Variants in TAP2 observed in about 807,000 individuals in gnomAD.
The protein encoded by TAP2 is antigen peptide transporter 2.
TAP2 carries 49 observed loss-of-function variants against 74.7 expected under a neutral mutation model. The ratio of observed to expected loss-of-function variants is 0.66; its 90% CI spans 0.52 to 0.83. The LOEUF is 0.83. Among genes scored for constraint, TAP2 ranks in the 40% least tolerant of loss-of-function variants. The pLI is 0.00. For missense variants in TAP2, 739 were observed against 859.0 expected, an observed-to-expected ratio of 0.86 and a Z score of 1.75; for synonymous variants, 306 against 368.4, an observed-to-expected ratio of 0.83 and a Z score of 1.94.
chr6:32,822,290 C>T, downstream of TAP2: 1 of 1,533,414 alleles, frequency 6.5e-7, no homozygotes, highest in Non-Finnish European at 8.9e-7. Context: ...CATTGAAATT[C>T]AAAATATCAT....
At position 32,828,976 on chromosome 6, in the gene TAP2, T is replaced by C. The variant is rs1768853330; in HGVS notation, c.1991A>G (p.Gln664Arg). 1.3e-6 allele frequency: 2 copies of C among 1,550,556 alleles called. No homozygotes were observed. The highest frequency in any genetic ancestry group is 1.9e-5 in the Admixed American group (1 of 51,352). ...GATCTGGTGGGCGCGCTGAACTGTC[T>C]GCAGCCTGTGAGCAATCACCAGCAC... Reference protein sequence around the residue: ...RTVLVIAHRLQTVQRAHQILV... With the variant: ...RTVLVIAHRLRTVQRAHQILV... Residue 664 changes from glutamine to arginine, a missense_variant, in exon 12 of 12, where the codon CAG becomes CGG. Coordinates refer to ENST00000374897, the MANE Select transcript of TAP2 (RefSeq NM_001290043.2).
chr6:32,826,268 C>T lies in TAP2; in HGVS notation c.*2638G>A, dbSNP rs1768643894. On this transcript the variant is annotated 3_prime_UTR_variant, in exon 12 of 12. Coordinates refer to ENST00000374897, the MANE Select transcript of TAP2 (RefSeq NM_001290043.2). ...AACTCAATGCTGTTTCCACATAGGGCCGGGCAGACAGGCTATGGAGGTGTT... is the reference window on the plus strand; with the variant it reads ...AACTCAATGCTGTTTCCACATAGGGTCGGGCAGACAGGCTATGGAGGTGTT... 1.0e-6 allele frequency: 1 copy of T among 985,446 alleles called. No homozygotes were observed. The highest frequency in any genetic ancestry group is 1.2e-6 in the Non-Finnish European group (1 of 829,946). The allele number at this position is 985,446 out of a possible 1,614,324, so 61.0% of individuals were successfully genotyped here.
At position 32,828,959 on chromosome 6, in the gene TAP2, G is replaced by A. The variant is rs1768850628; in HGVS notation, c.2008C>T (p.His670Tyr). The A allele has an allele frequency of 6.5e-7, 1 of 1,547,866 alleles. No homozygotes were observed. The highest frequency in any genetic ancestry group is 8.7e-7 in the Non-Finnish European group (1 of 1,146,464). The change falls in exon 12 of 12, where the codon CAC (histidine) becomes TAC (tyrosine). Residue 670 changes from histidine (H) to tyrosine (Y), a missense_variant. Transcript: ENST00000374897. ...CCCTCCTGGAGCACCAGGATCTGGT[G>A]GGCGCGCTGAACTGTCTGCAGCCTG... The part of the protein sequence containing the change: ...AHRLQTVQRA[H>Y]QILVLQEGKL...
chr6:32,829,462 C>G lies in TAP2; in HGVS notation c.1870G>C (p.Asp624His). 1.2e-6 allele frequency: 2 copies of G among 1,613,832 alleles called. No individual in the cohort carries two copies. Among genetic ancestry groups the G allele is most frequent in the South Asian group, 2.2e-5 (2 of 90,970 alleles). The change falls in exon 11 of 12, where the codon GAC becomes CAC. Residue 624 changes from aspartate (D) to histidine (H), a missense_variant. Physicochemically the swap from Asp to His is moderately conservative, Grantham distance 81. Transcript: ENST00000374897. ...RLAIARALVR[D>H]PRVLILDEAT... is the part of the protein sequence containing the mutation. ...TCATCCAGGATGAGGACCCGCGGGT[C>G]TCGTACAAGGGCCCGGGCAATGGCC...
chr6:32,828,679 C>G lies in TAP2; in HGVS notation c.*227G>C. The G allele has an allele frequency of 4.0e-4, 383 of 946,352 alleles. No homozygotes were observed. Among genetic ancestry groups the G allele is most frequent in the Middle Eastern group, 1.1e-3 (2 of 1,890 alleles). The allele number at this position is 946,352 out of a possible 1,614,324, so 58.6% of individuals were successfully genotyped here. ...TAAGTTTCCTGGACACAGACAGCCC[C>G]CACCCCACCCCACCCCACCTCTCTA... On this transcript the variant is annotated 3_prime_UTR_variant, in exon 12 of 12. Coordinates refer to ENST00000374897, the MANE Select transcript of TAP2 (RefSeq NM_001290043.2).
Position 32,830,616 on chromosome 6 carries a change from A to T in TAP2, c.1461+2T>A. 6.2e-7 allele frequency: 1 copy of T among 1,613,032 alleles called. No individual in the cohort carries two copies. The highest frequency in any genetic ancestry group is 8.5e-7 in the Non-Finnish European group (1 of 1,180,028). On this transcript the variant is annotated splice_donor_variant, in intron 8 of 11. Transcript: ENST00000374897. LOFTEE classifies it high-confidence loss of function. Reference sequence around the variant, plus strand: ...TCCAGGTTTCCTCCCTCTTTCAGGCACCTTGAGCACAGGCCTGTCAGGGCG... The same window carrying T: ...TCCAGGTTTCCTCCCTCTTTCAGGCTCCTTGAGCACAGGCCTGTCAGGGCG...
rs1768670473 is a variant in TAP2 at position 32,826,666 on chromosome 6, T to TA, written c.*2239dup. On this transcript the variant is annotated 3_prime_UTR_variant, in exon 12 of 12. Transcript: ENST00000374897. The stretch of plus-strand genomic sequence containing the variant: ...TCTTAAGGTCTACTGCATCTTCCTG[T>TA]ACTGCCCATCAAGATAAGTTTTCCA... 1.0e-6 allele frequency: 1 copy of TA among 985,348 alleles called. No individual in the cohort carries two copies. The highest frequency in any genetic ancestry group is 1.1e-4 in the East Asian group (1 of 8,834). 61.0% of individuals were successfully genotyped at this position (985,348 alleles called of 1,614,324 possible). A position where few individuals can be genotyped will look rare whatever the true frequency, so the allele number is the denominator to read the frequency against.
rs1769138084 is a variant in TAP2 at position 32,832,392 on chromosome 6, T to A, written c.1213A>T (p.Thr405Ser). 1.2e-6 allele frequency: 2 copies of A among 1,612,972 alleles called. No homozygotes were observed. Among genetic ancestry groups the A allele is most frequent in the East Asian group, 4.5e-5 (2 of 44,886 alleles). Reference protein sequence around the residue: ...GLQQMQDGELTQGSLLSFMIY... With the variant: ...GLQQMQDGELSQGSLLSFMIY... ...ATAAAGGAAAGCAGGCTGCCCTGGG[T>A]GAGCTCCCCATCCTGCATCTGCTGC... Residue 405 changes from threonine to serine, a missense_variant, in exon 7 of 12, where the codon ACC (threonine) becomes TCC (serine). Coordinates refer to ENST00000374897, the MANE Select transcript of TAP2 (RefSeq NM_001290043.2). The surrounding 1 kb of genome is among the most constrained non-coding windows in gnomAD (Gnocchi z 5.9).
rs781216989 is a variant in TAP2 at position 32,830,079 on chromosome 6, A to G, written c.1646T>C (p.Val549Ala). The part of the protein sequence containing the change: ...HCYLHSQVVS[V>A]GQEPVLFSGS... Reference sequence around the variant, plus strand: ...GGAGAACAGCACAGGCTCCTGCCCAACTGAAACCACCTGTGCAGCAGGGAC... The same window carrying G: ...GGAGAACAGCACAGGCTCCTGCCCAGCTGAAACCACCTGTGCAGCAGGGAC... The change falls in exon 10 of 12, where the codon GTT becomes GCT. Residue 549 changes from valine (V) to alanine (A), a missense_variant. Transcript: ENST00000374897. 9 of 1,612,944 alleles carry G rather than the reference A, an allele frequency of 5.6e-6. No individual in the cohort carries two copies. Among genetic ancestry groups the G allele is most frequent in the Middle Eastern group, 3.3e-4 (2 of 6,032 alleles).
At position 32,826,592 on chromosome 6, in the gene TAP2, CAT is replaced by C; in HGVS notation, c.*2312_*2313del. The stretch of plus-strand genomic sequence containing the variant: ...AGGGAGCATTTTTCTGTGTCCCTGA[CAT>C]AAAGCCTACCTGGGAGTTTCCCCTG... On this transcript the variant is annotated 3_prime_UTR_variant, in exon 12 of 12. Transcript: ENST00000374897. 7.1e-6 allele frequency: 7 copies of C among 985,412 alleles called. No individual in the cohort carries two copies. Among genetic ancestry groups the C allele is most frequent in the Non-Finnish European group, 7.2e-6 (6 of 829,918 alleles). 61.0% of individuals were successfully genotyped at this position (985,412 alleles called of 1,614,324 possible). A position where few individuals can be genotyped will look rare whatever the true frequency, so the allele number is the denominator to read the frequency against.
In TAP2 at chr6:32,838,733, C is replaced by A. The variant is rs1161486415; in HGVS notation, c.-85G>T. 6.5e-6 allele frequency: 1 copy of A among 154,940 alleles called. No individual in the cohort carries two copies. The highest frequency in any genetic ancestry group is 2.4e-5 in the African/African-American group (1 of 41,582). 9.6% of individuals were successfully genotyped at this position (154,940 alleles called of 1,614,324 possible). On this transcript the variant is annotated 5_prime_UTR_variant, in exon 1 of 12. Transcript: ENST00000374897. ...GCTCCGTCTCTCCCAACCTCGCTAC[C>A]GGCTCTGGTCCGCCAGCTACGCTCG...
At chr6:32,833,779 C>T (rs551881604) in intron 5 of TAP2, among the ~76,000 whole-genome samples, 29 of 152,266 alleles carry the variant, frequency 1.9e-4, no homozygotes, top group African/African-American at 6.0e-4. Flanking sequence ...ATCTTGAATT[C>T]CCATGTGTTG....
In TAP2 at chr6:32,832,221, G is replaced by C; in HGVS notation, c.1272+112C>G. 1 of 1,469,574 alleles carries C rather than the reference G, an allele frequency of 6.8e-7. No individual in the cohort carries two copies. Among genetic ancestry groups the C allele is most frequent in the Non-Finnish European group, 9.3e-7 (1 of 1,076,970 alleles). 91.0% of individuals were successfully genotyped at this position (1,469,574 alleles called of 1,614,324 possible). A position where few individuals can be genotyped will look rare whatever the true frequency, so the allele number is the denominator to read the frequency against. ...AATTCTCCATAGCAAAATTACTTGCGGGTTTTGGTTTTGTATTGTATTGTT... is the reference window on the plus strand; with the variant it reads ...AATTCTCCATAGCAAAATTACTTGCCGGTTTTGGTTTTGTATTGTATTGTT... On this transcript the variant is annotated intron_variant, in intron 7 of 11. Transcript: ENST00000374897. This position sits in a 1 kb window ranked among gnomAD's most constrained non-coding sequence, Gnocchi z 5.9.
chr6:32,829,359 C>T (rs1306475177), intron 11 of TAP2, 41 bp downstream of exon 11: 11 of 1,566,790 alleles, frequency 7.0e-6, no homozygotes, highest in Non-Finnish European at 9.5e-6. Flanking sequence ...CAGCATGCCC[C>T]TCCCAGGCCC....
Position 32,832,729 on chromosome 6 carries a change from G to A in TAP2, c.1041C>T (p.Ala347=), listed in dbSNP as rs760274197. The change falls in exon 6 of 12, where the codon GCC becomes GCT. Residue 347 remains alanine, a synonymous_variant. Transcript: ENST00000374897. This position sits in a 1 kb window ranked among gnomAD's most constrained non-coding sequence, Gnocchi z 5.9. ...TATAGCGACAGACTTCATGCTCCTC[G>A]GCCCCAAAACTGCGAACGGTCTGCA... The part of the protein sequence containing the change: ...GGLQTVRSFG[A]EEHEVCRYKE... 33 of 1,612,880 alleles carry A rather than the reference G, an allele frequency of 2.0e-5. 1 individual carries two copies. Among genetic ancestry groups the A allele is most frequent in the African/African-American group, 9.3e-5 (7 of 74,870 alleles).
rs759913193 is a variant in TAP2, at chr6:32,837,659, A to G, written c.494-8T>C. 4 of 1,614,036 alleles carry G rather than the reference A, an allele frequency of 2.5e-6. No individual in the cohort carries two copies. The highest frequency in any genetic ancestry group is 2.7e-5 in the African/African-American group (2 of 74,914). On this transcript the variant is annotated splice_polypyrimidine_tract_variant and splice_region_variant and intron_variant, in intron 2 of 11. Coordinates refer to ENST00000374897, the MANE Select transcript of TAP2 (RefSeq NM_001290043.2). ...GAGGGATTAATGTCTCACCTGAAAG[A>G]GGCATGAAAAATAACACAAGAATGT...
Position 32,830,002 on chromosome 6 carries a change from TATC to T in TAP2, c.1720_1722del (p.Asp574del). On this transcript the variant is annotated inframe_deletion, in exon 10 of 12. Transcript: ENST00000374897. ...GCAGCCTGGGCAGCCGCCATCACCT[TATC>T]ATCTTCGCAGCTCTGCAGCCCATAA... 1.2e-6 allele frequency: 2 copies of T among 1,613,140 alleles called. No individual in the cohort carries two copies. Among genetic ancestry groups the T allele is most frequent in the Non-Finnish European group, 1.7e-6 (2 of 1,180,018 alleles).
chr6:32,823,820 T>C (rs141619456), downstream of TAP2, among the ~76,000 whole-genome samples: 5 of 152,264 alleles, frequency 3.3e-5, no homozygotes, highest in East Asian at 7.7e-4. Flanking sequence ...AAATTTTACC[T>C]TTTCAGATAT....
In TAP2 at chr6:32,829,953, T is replaced by C; in HGVS notation, c.1772A>G (p.Glu591Gly). 6.2e-7 allele frequency: 1 copy of C among 1,613,130 alleles called. No individual in the cohort carries two copies. The highest frequency in any genetic ancestry group is 8.5e-7 in the Non-Finnish European group (1 of 1,180,032). ...ACCTGTGTATATTCCATGCTCCATT[T>C]CCTGGATGAAGTCATCTGCGTGGGC... is the stretch of plus-strand genomic sequence containing the variant. ...QAAHADDFIQEMEHGIYTDVG... is the reference protein window; with the variant it reads ...QAAHADDFIQGMEHGIYTDVG... Residue 591 changes from glutamate to glycine, a missense_variant, in exon 10 of 12, where the codon GAA becomes GGA. Physicochemically the swap from Glu to Gly is moderately conservative, Grantham distance 98 (BLOSUM62 -2). Transcript: ENST00000374897.
Sources: gnomAD v4.1 joint callset for allele counts (sites outside exome capture counted in the v4.1 genomes callset) on GRCh38, gnomAD v4.1.1 for gene constraint, Gnocchi (gnomAD v3.1) non-coding constraint, MANE v1.5 for transcripts, NCBI Gene and HGNC (gene_info 2026-07-23, HGNC 2026-07-21) for gene names.